Variants in CNTN6 observed in about 807,000 individuals in gnomAD.
CNTN6 encodes contactin-6.
Under a neutral mutation model 122.8 loss-of-function variants are expected in CNTN6, and 137 were observed. The observed-to-expected ratio is 1.12, with a 90% CI of 0.97 to 1.29. The LOEUF is 1.29. CNTN6 is among the 50% of genes most tolerant of loss of function. The probability of loss-of-function intolerance (pLI) is 0.00; values close to 1 mark genes in which losing one functional copy is unlikely to be tolerated. For missense variants in CNTN6, 1,634 were observed against 1,223.4 expected (o/e 1.34, Z -5.01); for synonymous variants, 570 against 426.0 (o/e 1.34, Z -4.16).
At chr3:1,352,540 A>G in intron 12 of CNTN6, 89 bp downstream of exon 12, 1 of 1,465,194 alleles carries the variant, frequency 6.8e-7, no homozygotes, top group Non-Finnish European at 9.4e-7. Context: ...CCTGTACCAT[A>G]TTGTGTATGT....
intron 7 of CNTN6, among the ~76,000 whole-genome samples, chr3:1,320,601 A>C (rs895890633): frequency 6.6e-6 from 1 of 151,762 alleles, no homozygotes; most frequent in Non-Finnish European, 1.5e-5. Context: ...TTAATTTGAA[A>C]TATAATTAGA....
At chr3:1,157,280 C>A (rs988400624) in intron 2 of CNTN6, among the ~76,000 whole-genome samples, 5 of 151,694 alleles carry the variant, frequency 3.3e-5, no homozygotes, top group Non-Finnish European at 5.9e-5. Context: ...TGCGGTGGCA[C>A]GATTCTGGCT....
At chr3:1,363,013 A>T in intron 12 of CNTN6, among the ~76,000 whole-genome samples, 1 of 151,978 alleles carries the variant, frequency 6.6e-6, no homozygotes, top group Middle Eastern at 3.2e-3. Flanking sequence ...TAAGAATTCT[A>T]TCCCTATTTA....
intron 11 of CNTN6, among the ~76,000 whole-genome samples, chr3:1,347,085 C>T (rs114875814): frequency 6.6e-6 from 1 of 152,122 alleles, no homozygotes; most frequent in Non-Finnish European, 1.5e-5. Context: ...TGTACATGCT[C>T]TATATTCTAA....
chr3:1,373,468 G>A (rs143415843), intron 14 of CNTN6, 136 bp from the exon 15 acceptor site: 41 of 707,990 alleles, frequency 5.8e-5, no homozygotes, highest in East Asian at 4.4e-4. Context: ...GAACTTTATC[G>A]CTAATAATGT....
chr3:1,134,103 A>G (rs1010611962), intron 1 of CNTN6, among the ~76,000 whole-genome samples: 6 of 152,162 alleles, frequency 3.9e-5, no homozygotes, highest in African/African-American at 7.2e-5. Context: ...TGTGAAGTCA[A>G]AAGATCTGGG....
chr3:1,130,669 T>C (rs377036054), intron 1 of CNTN6, among the ~76,000 whole-genome samples: 154 of 152,208 alleles, frequency 1.0e-3, no homozygotes, highest in African/African-American at 3.5e-3. Context: ...GGATCCCAAC[T>C]AAACTTGCAT....
intron 20 of CNTN6, among the ~76,000 whole-genome samples, chr3:1,395,978 C>T (rs534944418): frequency 1.3e-5 from 2 of 152,244 alleles, no homozygotes; most frequent in East Asian, 3.9e-4. Flanking sequence ...CACCTTCCTC[C>T]CTAACCATCC....
intron 2 of CNTN6, among the ~76,000 whole-genome samples, chr3:1,170,079 A>T (rs908673744): frequency 2.0e-5 from 3 of 151,950 alleles, no homozygotes; most frequent in Non-Finnish European, 4.4e-5. Flanking sequence ...TACCAAAAAT[A>T]CAAAAAAATT....
Position 1,401,364 on chromosome 3 carries a change from T to G in CNTN6, c.2705-69T>G, listed in dbSNP as rs1035807465. ...ATCGAAGACTTATTTTTTCTTTTCA[T>G]GTTGATGCATCATACTTTGACCATG... On this transcript the variant is annotated intron_variant, in intron 20 of 22. Transcript: ENST00000446702. 5.7e-6 allele frequency: 7 copies of G among 1,225,874 alleles called. No homozygotes were observed. The African/African-American group carries it at 1.1e-4, about 19-fold the overall frequency. 75.9% of individuals were successfully genotyped at this position (1,225,874 alleles called of 1,614,324 possible).
chr3:1,097,461 A>T (rs2090591698), intron 1 of CNTN6, among the ~76,000 whole-genome samples: 1 of 152,232 alleles, frequency 6.6e-6, no homozygotes, highest in South Asian at 2.1e-4. Flanking sequence ...GTGTCGTATG[A>T]AGTATTATAA....
At chr3:1,397,118 C>A (rs1433792017) in intron 20 of CNTN6, among the ~76,000 whole-genome samples, 1 of 152,172 alleles carries the variant, frequency 6.6e-6, no homozygotes, top group Admixed American at 6.5e-5. Flanking sequence ...CTCCCATGAG[C>A]CATGCCTAGA....
intron 2 of CNTN6, among the ~76,000 whole-genome samples, chr3:1,151,054 AC>A (rs1165920285): frequency 1.3e-5 from 2 of 152,124 alleles, no homozygotes; most frequent in East Asian, 3.9e-4. Flanking sequence ...CTCTGCCTGC[AC>A]CTTTTTTCAG....
At chr3:1,123,780 A>C (rs1363195370) in intron 1 of CNTN6, among the ~76,000 whole-genome samples, 3 of 152,004 alleles carry the variant, frequency 2.0e-5, no homozygotes, top group Non-Finnish European at 4.4e-5. Context: ...AGTGGGACAG[A>C]TGTCAGTCTT....
At chr3:1,311,934 T>G (rs903351662) in intron 7 of CNTN6, among the ~76,000 whole-genome samples, 2 of 152,068 alleles carry the variant, frequency 1.3e-5, no homozygotes, top group African/African-American at 2.4e-5. Context: ...TTCCATCAAT[T>G]TTGTTTCCAA....
chr3:1,259,675 A>G (rs971694925), intron 4 of CNTN6, among the ~76,000 whole-genome samples: 2 of 152,102 alleles, frequency 1.3e-5, no homozygotes, highest in African/African-American at 2.4e-5. Context: ...GTCCTTTACA[A>G]TGTATGACTT....
At chr3:1,098,567 T>C (rs2090661952) in intron 1 of CNTN6, among the ~76,000 whole-genome samples, 1 of 151,528 alleles carries the variant, frequency 6.6e-6, no homozygotes, top group Non-Finnish European at 1.5e-5. Flanking sequence ...TTTATTTTAT[T>C]GTAATGTTTT....
chr3:1,112,172 T>A (rs1406966980), intron 1 of CNTN6, among the ~76,000 whole-genome samples: 1 of 152,182 alleles, frequency 6.6e-6, no homozygotes, highest in Non-Finnish European at 1.5e-5. Context: ...ACTTCTCAAG[T>A]ACTTAGAGAT....
intron 9 of CNTN6, among the ~76,000 whole-genome samples, chr3:1,326,228 GTCA>G: frequency 6.6e-6 from 1 of 151,906 alleles, no homozygotes; most frequent in East Asian, 1.9e-4. Context: ...CATCATCACC[GTCA>G]TCATCGACAC....
Sources: allele counts gnomAD v4.1 joint callset (sites outside exome capture counted in the v4.1 genomes callset), GRCh38; gene constraint gnomAD v4.1.1; transcripts MANE v1.5; gene names NCBI Gene and HGNC (gene_info 2026-07-23, HGNC 2026-07-21).